TGM5: variants seen among roughly 807,000 people sequenced by gnomAD.
TGM5 encodes the protein protein-glutamine gamma-glutamyltransferase 5.
A neutral mutation model predicts 77.2 loss-of-function variants in TGM5; 69 were observed. That is an observed-to-expected ratio of 0.89 (90% confidence interval 0.74 to 1.09). TGM5 has a LOEUF of 1.09. Among genes scored for constraint, TGM5 ranks in the 50% least tolerant of loss-of-function variants. The probability of loss-of-function intolerance (pLI) is 0.00; values close to 1 mark genes in which losing one functional copy is unlikely to be tolerated. For synonymous variants in TGM5, 346 were observed against 351.8 expected (o/e 0.98, Z 0.18); for missense variants, 842 against 896.5 (o/e 0.94, Z 0.78).
intron 6 of TGM5, among the ~76,000 whole-genome samples, chr15:43,243,246 G>A (rs1217975227): frequency 6.6e-6 from 1 of 152,242 alleles, no homozygotes; most frequent in Non-Finnish European, 1.5e-5. Context: ...TACAGGGCAA[G>A]GCCCATTTTG....
intron 7 of TGM5, among the ~76,000 whole-genome samples, chr15:43,240,480 T>C (rs1001701739): frequency 7.1e-6 from 1 of 141,788 alleles, no homozygotes; most frequent in Non-Finnish European, 1.5e-5. Context: ...CCTATTGATC[T>C]GATTTTGTGA....
At chr15:43,234,216 C>T (rs549781399) in intron 11 of TGM5, among the ~76,000 whole-genome samples, 5 of 152,206 alleles carry the variant, frequency 3.3e-5, no homozygotes, top group Non-Finnish European at 7.3e-5. Flanking sequence ...GCTTACTTAA[C>T]AGGGTCTAGG....
At chr15:43,238,083 C>T (rs371780756) in intron 9 of TGM5, among the ~76,000 whole-genome samples, 2 of 152,270 alleles carry the variant, frequency 1.3e-5, no homozygotes, top group South Asian at 2.1e-4. Context: ...CCGAGGCCCA[C>T]GTAGACGAAC....
chr15:43,255,492 T>C (rs904567434), intron 4 of TGM5, among the ~76,000 whole-genome samples: 2 of 152,246 alleles, frequency 1.3e-5, no homozygotes, highest in African/African-American at 2.4e-5. Flanking sequence ...TTAGTGAGGA[T>C]TGGGGATGTG....
At position 43,235,628 on chromosome 15, in the gene TGM5, T is replaced by A; in HGVS notation, c.1555A>T (p.Met519Leu). The A allele has an allele frequency of 1.2e-6, 2 of 1,614,130 alleles. No individual in the cohort carries two copies. Among genetic ancestry groups the A allele is most frequent in the Non-Finnish European group, 1.7e-6 (2 of 1,180,012 alleles). Reference sequence around the variant, plus strand: ...AGGACAAAGCATATATCCTGGCCCATGTTGGGCGGGTCGAGCAGCTTGAAT... The same window carrying A: ...AGGACAAAGCATATATCCTGGCCCAAGTTGGGCGGGTCGAGCAGCTTGAAT... ...LKFKLLDPPN[M>L]GQDICFVLLA... The change falls in exon 10 of 13, where the codon ATG (methionine) becomes TTG (leucine). Residue 519 changes from methionine to leucine, a missense_variant. By Grantham distance (15) the Met-to-Leu change is conservative. This residue lies in a region of TGM5 where 815 missense variants were observed against 844.6 expected (regional missense o/e 0.96). Transcript: ENST00000220420.
At chr15:43,241,095 G>T in intron 6 of TGM5, 105 bp from the exon 7 acceptor site, 1 of 1,436,228 alleles carries the variant, frequency 7.0e-7, no homozygotes, top group Non-Finnish European at 9.6e-7. Context: ...TTTGCCATCT[G>T]CAGGAACATG....
intron 9 of TGM5, among the ~76,000 whole-genome samples, chr15:43,237,564 T>G (rs1425600884): frequency 2.6e-5 from 4 of 152,104 alleles, no homozygotes; most frequent in Admixed American, 2.6e-4. Context: ...TTTTTTTTGT[T>G]TAGAAATGAG....
intron 3 of TGM5, among the ~76,000 whole-genome samples, chr15:43,259,756 C>G (rs536798006): frequency 6.6e-6 from 1 of 152,108 alleles, no homozygotes; most frequent in Non-Finnish European, 1.5e-5. Context: ...ACGAAAAATA[C>G]TCTAGTTAAC....
intron 6 of TGM5, among the ~76,000 whole-genome samples, chr15:43,248,841 G>A (rs949416270): frequency 6.6e-6 from 1 of 152,176 alleles, no homozygotes; most frequent in Non-Finnish European, 1.5e-5. Context: ...GATGAGATAC[G>A]TTTTAAAGGC....
At chr15:43,243,092 C>T (rs2042648662) in intron 6 of TGM5, among the ~76,000 whole-genome samples, 1 of 152,180 alleles carries the variant, frequency 6.6e-6, no homozygotes, top group Admixed American at 6.5e-5. Context: ...CTTTCCCACC[C>T]TAACACAGGT....
chr15:43,261,090 T>TTTTTTTTTTTTTTG (rs2042786376), intron 1 of TGM5, among the ~76,000 whole-genome samples: 3 of 97,118 alleles, frequency 3.1e-5, no homozygotes, highest in African/African-American at 5.1e-5. Flanking sequence ...TTTTTTTTTT[T>TTTTTTTTTTTTTTG]TTTTTTTTTT....
At position 43,260,169 on chromosome 15, in the gene TGM5, G is replaced by A; in HGVS notation, c.319C>T (p.Pro107Ser). The A allele has an allele frequency of 6.2e-6, 10 of 1,614,138 alleles. No individual in the cohort carries two copies. Among genetic ancestry groups the A allele is most frequent in the Non-Finnish European group, 8.5e-6 (10 of 1,180,052 alleles). Residue 107 changes from proline to serine, a missense_variant, in exon 3 of 13, where the codon CCT becomes TCT. Around this residue, in one of 2 missense-constraint regions of TGM5, gnomAD observed 815 missense variants for 844.6 expected, o/e 0.96. Coordinates refer to ENST00000220420, the MANE Select transcript of TGM5 (RefSeq NM_201631.4). ...TACCGACCCACGGCCGCCGTGGGAG[G>A]AGCGCACAAGCTCACCTCTGTGGAG... The part of the protein sequence containing the change: ...ATSTEVSLCA[P>S]PTAAVGRYLL...
At chr15:43,252,281 C>T (rs2042709148) in intron 6 of TGM5, among the ~76,000 whole-genome samples, 1 of 152,208 alleles carries the variant, frequency 6.6e-6, no homozygotes, top group African/African-American at 2.4e-5. Flanking sequence ...TAAGCCCAGA[C>T]ATGTGCAGTC....
At position 43,260,753 on chromosome 15, in the gene TGM5, T is replaced by A; in HGVS notation, c.11-174A>T. The A allele has an allele frequency of 5.4e-6, 4 of 743,124 alleles. No individual in the cohort carries two copies. In the South Asian group the frequency reaches 5.9e-5, roughly 11 times the overall value. The allele number at this position is 743,124 out of a possible 1,614,324, so 46.0% of individuals were successfully genotyped here. A position where few individuals can be genotyped will look rare whatever the true frequency, so the allele number is the denominator to read the frequency against. On this transcript the variant is annotated intron_variant, in intron 1 of 12. Coordinates refer to ENST00000220420, the MANE Select transcript of TGM5 (RefSeq NM_201631.4). ...CCAGGATGAGGATAAGGATGAGGAT[T>A]TAATGAGGTTCCATGCATGCGCTTT...
rs549894773 is a variant in TGM5 at position 43,234,387 on chromosome 15, C to T, written c.1875+382G>A. 1.1e-4 allele frequency among the ~76,000 whole-genome samples: 16 copies of T among 152,296 alleles called. No individual in the cohort carries two copies. In the South Asian group the frequency reaches 3.1e-3, roughly 30 times the overall value. ...AGAAACAGAGGCCCAAGGCCCTGTC[C>T]AAGGATACACAGCCAAAAAATGGCA... is the stretch of plus-strand genomic sequence containing the variant. On this transcript the variant is annotated intron_variant, in intron 11 of 12. Transcript: ENST00000220420.
rs2042774761 is a variant in TGM5, at chr15:43,260,228, GGGCTGGGGCTGTGATGGCGTGCCA to G, written c.236_259del (p.Leu79_Ser86del). On this transcript the variant is annotated inframe_deletion, in exon 3 of 13. Coordinates refer to ENST00000220420, the MANE Select transcript of TGM5 (RefSeq NM_201631.4). Reference sequence around the variant, plus strand: ...ATTGGTCTCCAGCCAGGCAATCCAGGGGCTGGGGCTGTGATGGCGTGCCAGGCTGAACACAGCCCGAGTCCCCAA... The same window carrying G: ...ATTGGTCTCCAGCCAGGCAATCCAGGGGCTGAACACAGCCCGAGTCCCCAA... The G allele has an allele frequency of 1.2e-6, 2 of 1,613,876 alleles. No homozygotes were observed. The highest frequency in any genetic ancestry group is 1.7e-6 in the Non-Finnish European group (2 of 1,180,040).
At chr15:43,257,014 C>G (rs1263008941) in intron 3 of TGM5, among the ~76,000 whole-genome samples, 1 of 152,184 alleles carries the variant, frequency 6.6e-6, no homozygotes, top group Non-Finnish European at 1.5e-5. Context: ...CAGCACAGAG[C>G]TGGAAATTGA....
At chr15:43,261,212 C>T (rs137985706) in intron 1 of TGM5, among the ~76,000 whole-genome samples, 1,636 of 151,592 alleles carry the variant, frequency 0.011, 35 homozygotes, top group African/African-American at 0.038. Flanking sequence ...GCCTCAGCCT[C>T]CCGAGTAGCT....
At chr15:43,264,332 G>T (rs1051742298) in intron 1 of TGM5, among the ~76,000 whole-genome samples, 6 of 152,044 alleles carry the variant, frequency 3.9e-5, no homozygotes, top group African/African-American at 7.2e-5. Flanking sequence ...CCTGAAAAAT[G>T]GTAGCAGTAT....
Sources: gnomAD v4.1 joint callset for allele counts (sites outside exome capture counted in the v4.1 genomes callset) on GRCh38, gnomAD v4.1.1 for gene constraint, gnomAD v4.1.1 regional missense constraint, MANE v1.5 for transcripts, NCBI Gene and HGNC (gene_info 2026-07-23, HGNC 2026-07-21) for gene names.